Variants in MAST4 observed in about 807,000 individuals in gnomAD.
MAST4 encodes the protein microtubule associated serine/threonine kinase family member 4.
Under a neutral mutation model 162.7 loss-of-function variants are expected in MAST4, and 89 were observed. That is an observed-to-expected ratio of 0.55 (90% confidence interval 0.46 to 0.65). The LOEUF (loss-of-function observed/expected upper bound fraction) is 0.65, where lower values mean the gene tolerates loss of function less well. Ranked by LOEUF, MAST4 falls within the 30% of genes least tolerant of loss-of-function variation. The pLI is 0.00. For synonymous variants in MAST4, 1,479 were observed against 1,361.1 expected (o/e 1.09, Z -1.91); for missense variants, 3,153 against 3,374.0 (o/e 0.93, Z 1.62).
intron 24 of MAST4, among the ~76,000 whole-genome samples, chr5:67,151,836 C>T (rs980108652): frequency 3.7e-4 from 54 of 147,444 alleles, no homozygotes; most frequent in African/African-American, 1.3e-3. Flanking sequence ...GGCACAGTCA[C>T]GGCTCACTGC....
chr5:66,846,751 T>C (rs1018298825), intron 3 of MAST4, among the ~76,000 whole-genome samples: 1 of 152,216 alleles, frequency 6.6e-6, no homozygotes, highest in South Asian at 2.1e-4. Context: ...TTTAAAATTT[T>C]AGTTGCTGTT....
intron 1 of MAST4, among the ~76,000 whole-genome samples, chr5:66,694,701 G>C (rs768378062): frequency 2.0e-5 from 3 of 152,076 alleles, no homozygotes; most frequent in Non-Finnish European, 4.4e-5. Context: ...TGGGCAGGCT[G>C]GTCTTGAACT....
At chr5:66,747,028 C>T (rs1016750853) in intron 1 of MAST4, among the ~76,000 whole-genome samples, 3 of 151,368 alleles carry the variant, frequency 2.0e-5, no homozygotes, top group Admixed American at 6.6e-5. Flanking sequence ...TAAATGCCTA[C>T]AGTGTCGTGC....
chr5:66,637,450 G>T (rs1745196985), intron 1 of MAST4, among the ~76,000 whole-genome samples: 1 of 151,932 alleles, frequency 6.6e-6, no homozygotes, highest in South Asian at 2.1e-4. Flanking sequence ...TCTCATGTTT[G>T]TGGGTAGCTT....
At chr5:67,103,241 G>A (rs1475018250) in intron 9 of MAST4, among the ~76,000 whole-genome samples, 5 of 152,210 alleles carry the variant, frequency 3.3e-5, no homozygotes, top group Admixed American at 1.3e-4. Context: ...TTGTTTCCAC[G>A]TCTTTCCCAC....
rs939249484 is a variant in MAST4, at chr5:66,922,346, T to C, written c.674+22364T>C. Among the ~76,000 whole-genome samples the C allele has an allele frequency of 3.9e-5, 6 of 152,326 alleles. No individual in the cohort carries two copies. The East Asian group carries it at 1.2e-3, about 29-fold the overall frequency. Reference sequence around the variant, plus strand: ...TCAGTGACCCTTATTCTCTGTGCCTTAAAGAGAAATAGCCTCTTTCCTTTG... The same window carrying C: ...TCAGTGACCCTTATTCTCTGTGCCTCAAAGAGAAATAGCCTCTTTCCTTTG... On this transcript the variant is annotated intron_variant, in intron 4 of 28. Transcript: ENST00000403625.
chr5:67,095,513 TTG>T, intron 6 of MAST4, 82 bp from the exon 7 acceptor site: 1 of 1,019,158 alleles, frequency 9.8e-7, no homozygotes, highest in Non-Finnish European at 1.4e-6. Context: ...TGTCATTTGT[TTG>T]ACTAAAAATA....
At chr5:67,129,926 T>C (rs1768752634) in intron 14 of MAST4, among the ~76,000 whole-genome samples, 1 of 152,156 alleles carries the variant, frequency 6.6e-6, no homozygotes, top group Non-Finnish European at 1.5e-5. Context: ...TATTAGGAAA[T>C]AGGTCACTTT....
chr5:67,123,313 C>T (rs1767804824), intron 14 of MAST4, among the ~76,000 whole-genome samples: 2 of 152,184 alleles, frequency 1.3e-5, no homozygotes, highest in South Asian at 4.1e-4. Context: ...CAGCATCATA[C>T]TTGGTGAAAA....
Position 67,081,166 on chromosome 5 carries a change from G to A in MAST4, c.764-8996G>A, listed in dbSNP as rs11747758. Reference sequence around the variant, plus strand: ...TTAACCCAGGAACACAGGAGCAATAGAAGCTTAGCATGTGGGGAGAGGTTC... The same window carrying A: ...TTAACCCAGGAACACAGGAGCAATAAAAGCTTAGCATGTGGGGAGAGGTTC... On this transcript the variant is annotated intron_variant, in intron 5 of 28. Transcript: ENST00000403625. Among the ~76,000 whole-genome samples, 172 of 148,220 alleles carry A rather than the reference G, an allele frequency of 1.2e-3. 1 individual carries two copies. The highest frequency in any genetic ancestry group is 4.0e-3 in the African/African-American group (162 of 40,264).
At chr5:66,914,380 G>A (rs1763968790) in intron 4 of MAST4, among the ~76,000 whole-genome samples, 1 of 152,208 alleles carries the variant, frequency 6.6e-6, no homozygotes, top group Admixed American at 6.5e-5. Flanking sequence ...GATCATAAAT[G>A]AGCAAATACT....
intron 4 of MAST4, among the ~76,000 whole-genome samples, chr5:66,973,627 A>G (rs760883383): frequency 8.5e-5 from 13 of 152,188 alleles, no homozygotes; most frequent in African/African-American, 1.4e-4. Flanking sequence ...TTTTTAGTCC[A>G]TATGAATATA....
intron 4 of MAST4, among the ~76,000 whole-genome samples, chr5:66,957,882 C>T (rs1451358035): frequency 6.6e-6 from 1 of 152,224 alleles, no homozygotes; most frequent in African/African-American, 2.4e-5. Context: ...TTGGTTCCTA[C>T]TTCCCTCCTT....
rs557836327 is a variant in MAST4, at chr5:66,710,705, C to A, written c.364-49004C>A. 2.0e-5 allele frequency among the ~76,000 whole-genome samples: 3 copies of A among 152,192 alleles called. No individual in the cohort carries two copies. In the South Asian group the frequency reaches 6.2e-4, roughly 32 times the overall value. Reference sequence around the variant, plus strand: ...GTAATTCTTTCTCTTGTGGACCCGCCGTCTGGGTTGTCAGTGGTCTTAACT... The same window carrying A: ...GTAATTCTTTCTCTTGTGGACCCGCAGTCTGGGTTGTCAGTGGTCTTAACT... On this transcript the variant is annotated intron_variant, in intron 1 of 28. Transcript: ENST00000403625.
intron 1 of MAST4, among the ~76,000 whole-genome samples, chr5:66,675,342 C>G (rs1403453623): frequency 6.6e-6 from 1 of 152,150 alleles, no homozygotes; most frequent in African/African-American, 2.4e-5. Flanking sequence ...AACGGCAAAC[C>G]TTCACTGCAG....
chr5:66,729,728 T>G (rs897188572), intron 1 of MAST4, among the ~76,000 whole-genome samples: 2 of 152,198 alleles, frequency 1.3e-5, no homozygotes, highest in African/African-American at 4.8e-5. Flanking sequence ...ATTAGACGTA[T>G]CGTTGCTTTC....
chr5:66,759,182 A>C (rs1262210295), intron 1 of MAST4, among the ~76,000 whole-genome samples: 1 of 152,218 alleles, frequency 6.6e-6, no homozygotes, highest in Non-Finnish European at 1.5e-5. Flanking sequence ...TCTCCTGTAC[A>C]ACATATATTT....
intron 4 of MAST4, among the ~76,000 whole-genome samples, chr5:66,900,593 G>A (rs1762946461): frequency 6.6e-6 from 1 of 152,020 alleles, no homozygotes; most frequent in Non-Finnish European, 1.5e-5. Context: ...ATTGAGGACA[G>A]AATTAACTAC....
At chr5:67,138,792 G>C (rs569996274) in intron 19 of MAST4, among the ~76,000 whole-genome samples, 1 of 152,200 alleles carries the variant, frequency 6.6e-6, no homozygotes, top group South Asian at 2.1e-4. Flanking sequence ...TTCCACTTGT[G>C]GTGTCATATC....
Sources: allele counts gnomAD v4.1 joint callset (sites outside exome capture counted in the v4.1 genomes callset), GRCh38; gene constraint gnomAD v4.1.1; transcripts MANE v1.5; gene names NCBI Gene and HGNC (gene_info 2026-07-23, HGNC 2026-07-21).